FRMD6: variants seen among roughly 807,000 people sequenced by gnomAD.
The protein encoded by FRMD6 is FERM domain-containing protein 6.
FRMD6 carries 37 observed loss-of-function variants against 73.2 expected under a neutral mutation model. The observed-to-expected ratio is 0.51, with a 90% CI of 0.39 to 0.66. The LOEUF is 0.66. Among genes scored for constraint, FRMD6 ranks in the 30% least tolerant of loss-of-function variants. The pLI is 0.00. For missense variants in FRMD6, 714 were observed against 780.5 expected, an observed-to-expected ratio of 0.91 and a Z score of 1.02; for synonymous variants, 273 against 282.2, an observed-to-expected ratio of 0.97 and a Z score of 0.33.
At position 51,727,744 on chromosome 14, in the gene FRMD6, G is replaced by T; in HGVS notation, c.1585-1G>T. The T allele has an allele frequency of 6.3e-7, 1 of 1,589,602 alleles. No individual in the cohort carries two copies. ...TGTTTCATCCTTCCCTTATCTTGCA[G>T]ACTATATGTCGGAAACCAAAGACCT... is the stretch of plus-strand genomic sequence containing the variant. On this transcript the variant is annotated splice_acceptor_variant, in intron 13 of 13. Transcript: ENST00000344768. LOFTEE classifies it high-confidence loss of function.
chr14:51,475,108 C>T, the FRMD6 span, among the ~76,000 whole-genome samples: 1 of 152,206 alleles, frequency 6.6e-6, no homozygotes, highest in Non-Finnish European at 1.5e-5. Flanking sequence ...CTAGCCAAGA[C>T]ATGCTCTCTC....
chr14:51,730,114 C>G lies in FRMD6; in HGVS notation c.*2085C>G, dbSNP rs1340623968. 1.3e-5 allele frequency: 2 copies of G among 152,036 alleles called. No homozygotes were observed. Among genetic ancestry groups the G allele is most frequent in the Admixed American group, 6.6e-5 (1 of 15,250 alleles). 9.4% of individuals were successfully genotyped at this position (152,036 alleles called of 1,614,324 possible). A position where few individuals can be genotyped will look rare whatever the true frequency, so the allele number is the denominator to read the frequency against. ...TTTCCTTAGCCCTTAGAGTTTCTTG[C>G]AAACATTTAAAAAAAGACATATTTA... On this transcript the variant is annotated 3_prime_UTR_variant, in exon 14 of 14. Coordinates refer to ENST00000344768, the MANE Select transcript of FRMD6 (RefSeq NM_001267046.2).
At chr14:51,711,651 A>T in intron 8 of FRMD6, 55 bp downstream of exon 8, 1 of 1,295,760 alleles carries the variant, frequency 7.7e-7, no homozygotes, top group Non-Finnish European at 1.1e-6. Flanking sequence ...TGTTTACAGC[A>T]TGCCTCTGTG....
the FRMD6 span, among the ~76,000 whole-genome samples, chr14:51,409,691 C>A: frequency 6.6e-6 from 1 of 152,238 alleles, no homozygotes; most frequent in South Asian, 2.1e-4. Flanking sequence ...CTCAACCTCC[C>A]AGACTCAATT....
chr14:51,558,991 C>G (rs1366158851), intron 1 of FRMD6, among the ~76,000 whole-genome samples: 1 of 152,202 alleles, frequency 6.6e-6, no homozygotes, highest in Non-Finnish European at 1.5e-5. Context: ...AAGCTCTAAG[C>G]AAGGCCTTGA....
the FRMD6 span, among the ~76,000 whole-genome samples, chr14:51,434,171 A>G: frequency 6.6e-6 from 1 of 152,184 alleles, no homozygotes; most frequent in Non-Finnish European, 1.5e-5. Context: ...CATGATTTTT[A>G]TTATGTACAC....
At chr14:51,468,922 GT>G in the FRMD6 span, among the ~76,000 whole-genome samples, 4 of 152,076 alleles carry the variant, frequency 2.6e-5, no homozygotes, top group South Asian at 2.1e-4. Context: ...ATTACATTTG[GT>G]TTTTTTGTTT....
the FRMD6 span, among the ~76,000 whole-genome samples, chr14:51,474,653 G>A: frequency 2.0e-5 from 3 of 152,118 alleles, no homozygotes; most frequent in Non-Finnish European, 2.9e-5. Flanking sequence ...CATTGGAGTG[G>A]GCCAGCCCAC....
At chr14:51,576,408 T>C (rs1373191742) in intron 2 of FRMD6, among the ~76,000 whole-genome samples, 1 of 152,208 alleles carries the variant, frequency 6.6e-6, no homozygotes, top group African/African-American at 2.4e-5. Context: ...GCATTCAACA[T>C]AACGTAGTTT....
In FRMD6 at chr14:51,701,135, G is replaced by C. The variant is rs759783984; in HGVS notation, c.270G>C (p.Lys90Asn). ...CPKEWKKEAS[K>N]VRQYEVTWGI... ...AAGAATGGAAGAAAGAGGCCAGCAA[G>C]GTACGACAATACGAAGTCACTTGGG... The change falls in exon 4 of 14, where the codon AAG (lysine) becomes AAC (asparagine). Residue 90 changes from lysine (K) to asparagine (N), a missense_variant. By Grantham distance (94) the Lys-to-Asn change is moderately conservative. Coordinates refer to ENST00000344768, the MANE Select transcript of FRMD6 (RefSeq NM_001267046.2). 1 of 1,572,516 alleles carries C rather than the reference G, an allele frequency of 6.4e-7. No individual in the cohort carries two copies. Among genetic ancestry groups the C allele is most frequent in the Admixed American group, 1.8e-5 (1 of 56,584 alleles).
In FRMD6 at chr14:51,619,454, C is replaced by T. The variant is rs77486228; in HGVS notation, c.-147+49044C>T. On this transcript the variant is annotated intron_variant, in intron 2 of 14. Transcript: ENST00000356218. ...ACCTTTAACGGATCCGAGGTCAGCA[C>T]GTAAACAAATAGTTACCCTTTGGAA... 7.4e-3 allele frequency among the ~76,000 whole-genome samples: 1,125 copies of T among 151,704 alleles called. 10 individuals are homozygous for T. The highest frequency in any genetic ancestry group is 0.012 in the Admixed American group (177 of 15,258).
chr14:51,530,837 C>T (rs974918198), intron 1 of FRMD6, among the ~76,000 whole-genome samples: 7 of 152,142 alleles, frequency 4.6e-5, no homozygotes, highest in African/African-American at 1.2e-4. Context: ...TACAGTTCAG[C>T]GTTCTGGCAG....
At chr14:51,522,056 T>C (rs1433718823) in intron 1 of FRMD6, among the ~76,000 whole-genome samples, 2 of 152,132 alleles carry the variant, frequency 1.3e-5, no homozygotes, top group African/African-American at 4.8e-5. Context: ...TGTACCAGGA[T>C]TAAAGGTCAT....
At chr14:51,459,620 GA>G in the FRMD6 span, among the ~76,000 whole-genome samples, 1 of 151,988 alleles carries the variant, frequency 6.6e-6, no homozygotes, top group Non-Finnish European at 1.5e-5. Context: ...GAGGTCAGGA[GA>G]TTGAGACCAT....
chr14:51,518,543 G>T lies in FRMD6; in HGVS notation c.-210+29123G>T, dbSNP rs1174157532. Among the ~76,000 whole-genome samples, 3 of 152,118 alleles carry T rather than the reference G, an allele frequency of 2.0e-5. No homozygotes were observed. The East Asian group carries it at 5.8e-4, about 29-fold the overall frequency. ...TGTTATAAGGAGTCAGTGAGAAAAC[G>T]CATATGACACTATTTATAAACTGTA... is the stretch of plus-strand genomic sequence containing the variant. On this transcript the variant is annotated intron_variant, in intron 1 of 14. Transcript: ENST00000356218.
At position 51,628,800 on chromosome 14, in the gene FRMD6, C is replaced by CAAAAAA. The variant is rs764713119; in HGVS notation, c.-147+58409_-147+58414dup. Among the ~76,000 whole-genome samples the CAAAAAA allele has an allele frequency of 4.1e-3, 213 of 52,296 alleles. 20 individuals are homozygous for CAAAAAA. Among genetic ancestry groups the CAAAAAA allele is most frequent in the African/African-American group, 0.014 (202 of 14,496 alleles). The allele number at this position is 52,296 out of a possible 152,430, so 34.3% of individuals were successfully genotyped here. ...TGGGTGACAGAGCAAGACTCTGTCT[C>CAAAAAA]AAAAAAAAAAAAAAAAAAAAAAAAG... On this transcript the variant is annotated intron_variant, in intron 2 of 14. Coordinates refer to the FRMD6 transcript ENST00000356218.
chr14:51,476,623 A>G, the FRMD6 span, among the ~76,000 whole-genome samples: 2 of 152,204 alleles, frequency 1.3e-5, no homozygotes, highest in African/African-American at 4.8e-5. Context: ...GGGGACCTAT[A>G]AAAAGAATAC....
chr14:51,496,873 G>A (rs1021994229), intron 1 of FRMD6, among the ~76,000 whole-genome samples: 17 of 152,012 alleles, frequency 1.1e-4, no homozygotes, highest in African/African-American at 3.4e-4. Flanking sequence ...ATGATTTTTT[G>A]ATCTGCCATC....
chr14:51,533,549 C>T (rs1885712235), intron 1 of FRMD6, among the ~76,000 whole-genome samples: 2 of 152,148 alleles, frequency 1.3e-5, no homozygotes, highest in Non-Finnish European at 2.9e-5. Context: ...TACTGAGTCT[C>T]ACCAAATGTT....
Sources: allele counts gnomAD v4.1 joint callset (sites outside exome capture counted in the v4.1 genomes callset), GRCh38; gene constraint gnomAD v4.1.1; transcripts MANE v1.5; gene names NCBI Gene and HGNC (gene_info 2026-07-23, HGNC 2026-07-21).